Variants in EPHX2 observed in about 807,000 individuals in gnomAD.
The protein encoded by EPHX2 is bifunctional epoxide hydrolase 2.
A neutral mutation model predicts 78.7 loss-of-function variants in EPHX2; 74 were observed. The ratio of observed to expected loss-of-function variants is 0.94; its 90% CI spans 0.78 to 1.14. The LOEUF is 1.14. Ranked by LOEUF, EPHX2 falls within the 50% of genes most tolerant of loss-of-function variation. The pLI is 0.00. For missense variants in EPHX2, 715 were observed against 702.5 expected (o/e 1.02, Z -0.20); for synonymous variants, 251 against 255.2 (o/e 0.98, Z 0.16).
At position 27,507,683 on chromosome 8, in the gene EPHX2, G is replaced by C. The variant is rs778481149; in HGVS notation, c.660+689G>C. Among the ~76,000 whole-genome samples, 21 of 152,338 alleles carry C rather than the reference G, an allele frequency of 1.4e-4. 1 individual carries two copies. The highest frequency in any genetic ancestry group is 5.1e-4 in the African/African-American group (21 of 41,568). On this transcript the variant is annotated intron_variant, in intron 5 of 18. Coordinates refer to ENST00000521400, the MANE Select transcript of EPHX2 (RefSeq NM_001979.6). ...CATTGCCTCAAAGGGAAGTAGGTTA[G>C]TTTGCTCGGGCTGCCATAACAAAGT...
chr8:27,525,103 T>TGC lies in EPHX2; in HGVS notation c.1059-258_1059-257insCG, dbSNP rs1427610372. On this transcript the variant is annotated intron_variant, in intron 11 of 18. Transcript: ENST00000521400. ...GTGTGTGTGTGTGTGTGTGTGTGTG[T>TGC]GTGTGCGCGCGCGCGCGCGCACCTA... Among the ~76,000 whole-genome samples the TGC allele has an allele frequency of 7.5e-3, 990 of 131,336 alleles. 12 individuals carry two copies. The highest frequency in any genetic ancestry group is 0.029 in the African/African-American group (857 of 29,428). 86.2% of individuals were successfully genotyped at this position (131,336 alleles called of 152,430 possible). A position where few individuals can be genotyped will look rare whatever the true frequency, so the allele number is the denominator to read the frequency against.
intron 3 of EPHX2, 26 bp downstream of exon 3, chr8:27,503,789 C>T: frequency 6.2e-7 from 1 of 1,600,612 alleles, no homozygotes; most frequent in South Asian, 1.1e-5. Context: ...TGGCCAATCT[C>T]AGGCCGAACC....
chr8:27,520,801 G>C, intron 9 of EPHX2, 82 bp from the exon 10 acceptor site: 1 of 1,557,846 alleles, frequency 6.4e-7, no homozygotes, highest in Non-Finnish European at 8.9e-7. Flanking sequence ...CAGTTTTGGG[G>C]AGGACGCAGT....
At chr8:27,546,830 G>C (rs1352774041), downstream of EPHX2, among the ~76,000 whole-genome samples, 1 of 152,078 alleles carries the variant, frequency 6.6e-6, no homozygotes, top group Non-Finnish European at 1.5e-5. Flanking sequence ...TTGCCATAAC[G>C]AACTACTGGA....
downstream of EPHX2, among the ~76,000 whole-genome samples, chr8:27,547,288 G>A (rs1040293279): frequency 1.6e-4 from 24 of 152,190 alleles, 1 homozygote; most frequent in African/African-American, 5.8e-4. Context: ...GGACCTTTGG[G>A]CCACACGTCA....
chr8:27,504,889 G>T (rs1323249194), intron 3 of EPHX2, 67 bp from the exon 4 acceptor site: 20 of 1,549,056 alleles, frequency 1.3e-5, no homozygotes, highest in Non-Finnish European at 1.6e-5. Context: ...GAGTCCCTTG[G>T]GGGTATCTGG....
At chr8:27,500,024 A>G (rs780825423) in intron 1 of EPHX2, among the ~76,000 whole-genome samples, 6 of 152,226 alleles carry the variant, frequency 3.9e-5, no homozygotes, top group Non-Finnish European at 7.3e-5. Flanking sequence ...TAGAACTTCA[A>G]TGTATGTATT....
intron 12 of EPHX2, among the ~76,000 whole-genome samples, chr8:27,526,065 CT>C (rs1814836582): frequency 6.6e-6 from 1 of 152,216 alleles, no homozygotes; most frequent in African/African-American, 2.4e-5. Flanking sequence ...TATGCATCCA[CT>C]TGCAGGAATT....
intron 1 of EPHX2, among the ~76,000 whole-genome samples, chr8:27,496,927 A>G (rs556888318): frequency 2.1e-4 from 32 of 152,274 alleles, no homozygotes; most frequent in African/African-American, 7.0e-4. Context: ...GCTTTGGCTA[A>G]TATGTCCCTC....
At chr8:27,510,503 C>A (rs1044844452) in intron 5 of EPHX2, among the ~76,000 whole-genome samples, 3 of 152,146 alleles carry the variant, frequency 2.0e-5, no homozygotes, top group African/African-American at 4.8e-5. Context: ...CTATTAGGGG[C>A]TAGACTGTGT....
rs745587412 is a variant in EPHX2 at position 27,544,237 on chromosome 8, A to C, written c.1582A>C (p.Met528Leu). ...TGAGGACTGTGGGCACTGGACACAG[A>C]TGGACAAGTAAGGAGGTTGGGGGCT... ...HIEDCGHWTQ[M>L]DKPTEVNQIL... is the part of the protein sequence containing the mutation. The change falls in exon 18 of 19, where the codon ATG (methionine) becomes CTG (leucine). Residue 528 changes from methionine (M) to leucine (L), a missense_variant. Met to Leu is a conservative substitution (Grantham distance 15). Transcript: ENST00000521400. 33 of 1,614,150 alleles carry C rather than the reference A, an allele frequency of 2.0e-5. No homozygotes were observed. The East Asian group carries it at 7.4e-4, about 36-fold the overall frequency.
chr8:27,502,228 T>C (rs1400229808), intron 2 of EPHX2, among the ~76,000 whole-genome samples: 2 of 152,242 alleles, frequency 1.3e-5, no homozygotes, highest in African/African-American at 2.4e-5. Context: ...TTGCTCAACA[T>C]TGTATGAGTG....
intron 10 of EPHX2, 137 bp downstream of exon 10, chr8:27,521,046 T>C (rs1814627029): frequency 5.3e-6 from 5 of 935,820 alleles, no homozygotes; most frequent in East Asian, 2.4e-5. Context: ...AGAGTGGGCA[T>C]GGGCAGGGAA....
At chr8:27,525,097 TGTGTGTGTGTGCGC>T (rs1469014832) in intron 11 of EPHX2, among the ~76,000 whole-genome samples, 21 of 137,044 alleles carry the variant, frequency 1.5e-4, no homozygotes, top group East Asian at 6.0e-4. Context: ...TGTGTGTGTG[TGTGTGTGTGTGCGC>T]GCGCGCGCGC....
At chr8:27,512,794 CATCTT>C (rs1164016464) in intron 6 of EPHX2, among the ~76,000 whole-genome samples, 2 of 152,206 alleles carry the variant, frequency 1.3e-5, no homozygotes, top group East Asian at 3.8e-4. Context: ...CTTGGACAAG[CATCTT>C]ATCCCGGTGA....
At chr8:27,495,359 A>G (rs1482597779) in intron 1 of EPHX2, among the ~76,000 whole-genome samples, 1 of 152,250 alleles carries the variant, frequency 6.6e-6, no homozygotes, top group Non-Finnish European at 1.5e-5. Flanking sequence ...TAACTATGGT[A>G]TAACCTGCCC....
At chr8:27,534,337 A>T (rs780705431) in intron 12 of EPHX2, among the ~76,000 whole-genome samples, 2 of 152,130 alleles carry the variant, frequency 1.3e-5, no homozygotes, top group South Asian at 2.1e-4. Context: ...TCTCGTGAGG[A>T]GTGATGAGCA....
Position 27,525,027 on chromosome 8 carries a change from C to T in EPHX2, c.1059-335C>T, listed in dbSNP as rs189893663. ...TATATTTTAAAACTAGAGAGAGATTCGTGTCTCCATATTCTATCCAGGGTT... is the reference window on the plus strand; with the variant it reads ...TATATTTTAAAACTAGAGAGAGATTTGTGTCTCCATATTCTATCCAGGGTT... On this transcript the variant is annotated intron_variant, in intron 11 of 18. Transcript: ENST00000521400. Among the ~76,000 whole-genome samples the T allele has an allele frequency of 4.9e-3, 732 of 149,096 alleles. 8 individuals are homozygous for T. The highest frequency in any genetic ancestry group is 0.017 in the African/African-American group (692 of 40,330).
At chr8:27,496,664 A>C (rs1300890617) in intron 1 of EPHX2, among the ~76,000 whole-genome samples, 1 of 152,168 alleles carries the variant, frequency 6.6e-6, no homozygotes, top group East Asian at 1.9e-4. Flanking sequence ...GGACTGCTGC[A>C]TTTTCTTACT....
Sources: gnomAD v4.1 joint callset for allele counts (sites outside exome capture counted in the v4.1 genomes callset) on GRCh38, gnomAD v4.1.1 for gene constraint, MANE v1.5 for transcripts, NCBI Gene and HGNC (gene_info 2026-07-23, HGNC 2026-07-21) for gene names.